The following HS2ST1 variants were observed in gnomAD, a reference collection of about 807,000 sequenced individuals.
HS2ST1 encodes 2-O-sulfotransferase.
A neutral mutation model predicts 42.9 loss-of-function variants in HS2ST1; 18 were observed. The ratio of observed to expected loss-of-function variants is 0.42; its 90% confidence interval spans 0.29 to 0.62. The LOEUF (loss-of-function observed/expected upper bound fraction) is 0.62, where lower values mean the gene tolerates loss of function less well. HS2ST1 is among the 20% of genes least tolerant of loss of function. The pLI is 0.21. For missense variants in HS2ST1, 334 were observed against 433.8 expected (o/e 0.77, Z 2.04); for synonymous variants, 146 against 152.9 (o/e 0.95, Z 0.33).
At position 86,972,745 on chromosome 1, in the gene HS2ST1, T is replaced by A. The variant is rs529112252; in HGVS notation, c.124+57585T>A. 7.2e-5 allele frequency among the ~76,000 whole-genome samples: 11 copies of A among 152,352 alleles called. No homozygotes were observed. The South Asian group carries it at 2.3e-3, about 32-fold the overall frequency. ...AACATTTTGCATAACCATGGGACAG[T>A]TATTCAAACTAGGAGGTTGACATAT... On this transcript the variant is annotated intron_variant, in intron 1 of 6. Coordinates refer to ENST00000370550, the MANE Select transcript of HS2ST1 (RefSeq NM_012262.4).
At chr1:87,023,283 A>G (rs1002922121) in intron 1 of HS2ST1, among the ~76,000 whole-genome samples, 1 of 152,172 alleles carries the variant, frequency 6.6e-6, no homozygotes, top group African/African-American at 2.4e-5. Context: ...AAAATGATGT[A>G]TTTACAAGGA....
At chr1:86,927,176 G>C (rs1386525320) in intron 1 of HS2ST1, among the ~76,000 whole-genome samples, 1 of 152,190 alleles carries the variant, frequency 6.6e-6, no homozygotes, top group African/African-American at 2.4e-5. Context: ...ACCAAGCTAA[G>C]TAATGGGGAA....
At chr1:87,016,154 T>C (rs1209919534) in intron 1 of HS2ST1, among the ~76,000 whole-genome samples, 1 of 152,168 alleles carries the variant, frequency 6.6e-6, no homozygotes, top group Non-Finnish European at 1.5e-5. Context: ...GGTTTTCGTG[T>C]TGTTGTGTGT....
At chr1:87,071,772 C>G (rs1051104820) in intron 1 of HS2ST1, among the ~76,000 whole-genome samples, 4 of 150,182 alleles carry the variant, frequency 2.7e-5, no homozygotes, top group African/African-American at 9.8e-5. Context: ...TCAGAGCTAT[C>G]AGATGCTTCC....
chr1:86,991,624 A>G (rs1473049248), intron 1 of HS2ST1, among the ~76,000 whole-genome samples: 1 of 152,230 alleles, frequency 6.6e-6, no homozygotes, highest in African/African-American at 2.4e-5. Context: ...TAACAACATA[A>G]AGAGCTTATA....
At chr1:87,014,566 T>G (rs1412135543) in intron 1 of HS2ST1, among the ~76,000 whole-genome samples, 1 of 152,120 alleles carries the variant, frequency 6.6e-6, no homozygotes, top group East Asian at 1.9e-4. Flanking sequence ...GTTGTCAAAG[T>G]CAAAATGGAA....
chr1:86,940,840 A>C (rs1387879426), intron 1 of HS2ST1, among the ~76,000 whole-genome samples: 1 of 152,094 alleles, frequency 6.6e-6, no homozygotes, highest in Non-Finnish European at 1.5e-5. Flanking sequence ...CAAAATATAC[A>C]AAAATTTACC....
At chr1:86,959,300 C>T (rs1647759223) in intron 1 of HS2ST1, among the ~76,000 whole-genome samples, 1 of 152,162 alleles carries the variant, frequency 6.6e-6, no homozygotes, top group Non-Finnish European at 1.5e-5. Context: ...AAACTTAATT[C>T]ACAAATGACA....
intron 1 of HS2ST1, among the ~76,000 whole-genome samples, chr1:86,949,596 G>C (rs964502779): frequency 1.3e-5 from 2 of 152,148 alleles, no homozygotes; most frequent in African/African-American, 4.8e-5. Context: ...GATTCTCTAA[G>C]CTTACCCTGT....
intron 1 of HS2ST1, among the ~76,000 whole-genome samples, chr1:86,964,617 G>A (rs1647988560): frequency 6.6e-6 from 1 of 152,250 alleles, no homozygotes. Context: ...CGGCATCAGA[G>A]GGAGACCTTG....
intron 1 of HS2ST1, among the ~76,000 whole-genome samples, chr1:87,062,249 C>T (rs1297708128): frequency 6.6e-6 from 1 of 151,656 alleles, no homozygotes; most frequent in African/African-American, 2.4e-5. Flanking sequence ...GTCTTCTGTT[C>T]TGTTTTTTTC....
chr1:87,025,496 G>C (rs532282941), intron 1 of HS2ST1, among the ~76,000 whole-genome samples: 73 of 152,196 alleles, frequency 4.8e-4, no homozygotes, highest in African/African-American at 1.6e-3. Context: ...AGTATAAAAG[G>C]GTAAATTTGG....
rs776889580 is a variant in HS2ST1, at chr1:86,989,893, C to T, written c.124+74733C>T. On this transcript the variant is annotated intron_variant, in intron 1 of 6. Transcript: ENST00000370550. Reference sequence around the variant, plus strand: ...GCTTCATCCATGTCCCTGCAAAGGACGTGAACTCATCCTTTTTATGGCTGC... The same window carrying T: ...GCTTCATCCATGTCCCTGCAAAGGATGTGAACTCATCCTTTTTATGGCTGC... 7.9e-5 allele frequency among the ~76,000 whole-genome samples: 12 copies of T among 151,876 alleles called. No individual in the cohort carries two copies. The South Asian group carries it at 1.0e-3, about 13-fold the overall frequency.
intron 1 of HS2ST1, among the ~76,000 whole-genome samples, chr1:86,955,220 T>C (rs1647642371): frequency 6.6e-6 from 1 of 152,162 alleles, no homozygotes; most frequent in Admixed American, 6.5e-5. Flanking sequence ...AATAAAATTT[T>C]TGAATGAGAC....
chr1:87,062,300 AT>A lies in HS2ST1; in HGVS notation c.125-10625del, dbSNP rs568460277. On this transcript the variant is annotated intron_variant, in intron 1 of 6. Transcript: ENST00000370550. ...TTCTGCATTCCTGTGGGTTACTTAT[AT>A]TTTTTTTTAGAATTGCATTTTGATT... 1.4e-3 allele frequency among the ~76,000 whole-genome samples: 204 copies of A among 147,936 alleles called. 1 individual carries two copies. Among genetic ancestry groups the A allele is most frequent in the Non-Finnish European group, 2.0e-3 (135 of 66,526 alleles).
At chr1:87,084,814 C>T (rs775798668) in intron 3 of HS2ST1, among the ~76,000 whole-genome samples, 33 of 150,652 alleles carry the variant, frequency 2.2e-4, no homozygotes, top group Non-Finnish European at 4.7e-4. Context: ...CTCTCCTTCT[C>T]TCTTGCTCTC....
intron 1 of HS2ST1, among the ~76,000 whole-genome samples, chr1:87,055,974 G>GGT (rs2100618153): frequency 1.3e-5 from 2 of 152,286 alleles, no homozygotes; most frequent in South Asian, 4.1e-4. Flanking sequence ...GTTGTCTTGA[G>GGT]GTAAAGCACT....
chr1:87,037,832 G>A (rs570762386), intron 1 of HS2ST1, among the ~76,000 whole-genome samples: 9 of 151,850 alleles, frequency 5.9e-5, no homozygotes, highest in African/African-American at 1.4e-4. Context: ...ACTTCCAGAC[G>A]TAGTTCATTC....
In HS2ST1 at chr1:87,045,137, A is replaced by G. The variant is rs142472058; in HGVS notation, c.125-27797A>G. Reference sequence around the variant, plus strand: ...CTGTGGAGGTGGAAGGCTGACCTCCATCATTACTGCCATTGGTTATGCTTT... The same window carrying G: ...CTGTGGAGGTGGAAGGCTGACCTCCGTCATTACTGCCATTGGTTATGCTTT... On this transcript the variant is annotated intron_variant, in intron 1 of 6. Coordinates refer to ENST00000370550, the MANE Select transcript of HS2ST1 (RefSeq NM_012262.4). The G allele has an allele frequency of 2.7e-3, 2,330 of 856,396 alleles. 20 individuals carry two copies. The highest frequency in any genetic ancestry group is 0.022 in the Middle Eastern group (74 of 3,338). The allele number at this position is 856,396 out of a possible 1,614,324, so 53.0% of individuals were successfully genotyped here.
Sources: allele counts gnomAD v4.1 joint callset (sites outside exome capture counted in the v4.1 genomes callset), GRCh38; gene constraint gnomAD v4.1.1; transcripts MANE v1.5; gene names NCBI Gene and HGNC (gene_info 2026-07-23, HGNC 2026-07-21).